TSHZ2: variants seen among roughly 807,000 people sequenced by gnomAD.
TSHZ2 encodes teashirt zinc finger homeobox 2.
TSHZ2 carries 21 observed loss-of-function variants against 74.4 expected under a neutral mutation model. That is an observed-to-expected ratio of 0.28 (90% CI 0.20 to 0.41). The LOEUF (loss-of-function observed/expected upper bound fraction) is 0.41, where lower values mean the gene tolerates loss of function less well. Among genes scored for constraint, TSHZ2 ranks in the 10% least tolerant of loss-of-function variants. TSHZ2 has a pLI of 1.00. For missense variants in TSHZ2, 1,244 were observed against 1,293.5 expected, an observed-to-expected ratio of 0.96 and a Z score of 0.59; for synonymous variants, 540 against 515.3, an observed-to-expected ratio of 1.05 and a Z score of -0.65.
chr20:53,102,605 T>A (rs1287315426), intron 1 of TSHZ2, among the ~76,000 whole-genome samples: 2 of 152,118 alleles, frequency 1.3e-5, no homozygotes, highest in East Asian at 3.9e-4. Context: ...ACTCAAACGG[T>A]GTCCATAACA....
At chr20:53,105,605 TTC>T (rs372302965) in intron 1 of TSHZ2, among the ~76,000 whole-genome samples, 70 of 151,994 alleles carry the variant, frequency 4.6e-4, no homozygotes, top group African/African-American at 1.6e-3. Flanking sequence ...TCCCATAGAG[TTC>T]TCTCTCTTTT....
chr20:53,079,161 A>G (rs536735626), intron 1 of TSHZ2, among the ~76,000 whole-genome samples: 42 of 152,314 alleles, frequency 2.8e-4, no homozygotes, highest in Non-Finnish European at 5.1e-4. Context: ...GAGTGTCTCA[A>G]GAGGGAAAAA....
At chr20:53,291,686 A>G (rs941250800) in intron 2 of TSHZ2, among the ~76,000 whole-genome samples, 2 of 151,924 alleles carry the variant, frequency 1.3e-5, no homozygotes, top group African/African-American at 2.4e-5. Flanking sequence ...CCACTCTTGC[A>G]CTGGCTGTGC....
intron 2 of TSHZ2, among the ~76,000 whole-genome samples, chr20:53,268,261 C>A (rs1039913849): frequency 2.6e-5 from 4 of 152,078 alleles, no homozygotes; most frequent in African/African-American, 9.7e-5. Context: ...AAGATACAGA[C>A]CCAGATTGAA....
At chr20:53,102,864 ATCTT>A (rs1418048304) in intron 1 of TSHZ2, among the ~76,000 whole-genome samples, 4 of 148,482 alleles carry the variant, frequency 2.7e-5, no homozygotes, top group African/African-American at 5.0e-5. Context: ...TATGACCAGC[ATCTT>A]TCTTTTTTTT....
At chr20:53,045,748 T>C (rs929645467) in intron 1 of TSHZ2, among the ~76,000 whole-genome samples, 1 of 152,134 alleles carries the variant, frequency 6.6e-6, no homozygotes, top group African/African-American at 2.4e-5. Context: ...TACCTATGGG[T>C]AGTAATCCCG....
At chr20:53,398,762 C>T (rs373257153) in intron 2 of TSHZ2, 1 of 152,148 alleles carries the variant, frequency 6.6e-6, no homozygotes, top group Non-Finnish European at 1.5e-5. Context: ...CAAAAACACA[C>T]AAAAAAGTTT....
intron 1 of TSHZ2, among the ~76,000 whole-genome samples, chr20:53,201,042 T>C (rs555384500): frequency 6.6e-6 from 1 of 152,080 alleles, no homozygotes; most frequent in South Asian, 2.1e-4. Context: ...AAAAAAGAAA[T>C]TGAGTCAAAA....
intron 1 of TSHZ2, among the ~76,000 whole-genome samples, chr20:53,246,483 C>T (rs191522481): frequency 9.2e-5 from 14 of 152,310 alleles, no homozygotes; most frequent in South Asian, 4.1e-4. Flanking sequence ...TGGCCCGCTT[C>T]GCCCATTTTC....
At chr20:53,338,811 G>C (rs1980061981) in intron 2 of TSHZ2, among the ~76,000 whole-genome samples, 1 of 152,150 alleles carries the variant, frequency 6.6e-6, no homozygotes, top group Non-Finnish European at 1.5e-5. Flanking sequence ...CTGAGGGCGA[G>C]AAGTCCTGCT....
In TSHZ2 at chr20:53,354,264, C is replaced by T. The variant is rs535001393; in HGVS notation, c.*8+97693C>T. ...GACAATTTCGGGAAACATGAGGAGA[C>T]ATGGTGCTCTTGTGGTGGCCTGTAT... On this transcript the variant is annotated intron_variant, in intron 2 of 2. Coordinates refer to ENST00000371497, the MANE Select transcript of TSHZ2 (RefSeq NM_173485.6). Among the ~76,000 whole-genome samples, 24 of 152,286 alleles carry T rather than the reference C, an allele frequency of 1.6e-4. No individual in the cohort carries two copies. The South Asian group carries it at 3.1e-3, about 20-fold the overall frequency.
intron 1 of TSHZ2, among the ~76,000 whole-genome samples, chr20:53,100,065 G>C (rs1986173223): frequency 6.6e-6 from 1 of 152,164 alleles, no homozygotes; most frequent in Admixed American, 6.5e-5. Flanking sequence ...CTGGCTGTTG[G>C]TGGTGATTCA....
chr20:53,040,472 G>A (rs1983998006), intron 1 of TSHZ2, among the ~76,000 whole-genome samples: 1 of 152,094 alleles, frequency 6.6e-6, no homozygotes, highest in Admixed American at 6.5e-5. Context: ...CCAAGGGGTG[G>A]CATGGATAAA....
chr20:53,358,059 C>T (rs947915579), intron 2 of TSHZ2, among the ~76,000 whole-genome samples: 1 of 152,194 alleles, frequency 6.6e-6, no homozygotes, highest in African/African-American at 2.4e-5. Context: ...TTCATTTTCA[C>T]ATGGACGACC....
intron 2 of TSHZ2, among the ~76,000 whole-genome samples, chr20:53,333,752 G>A (rs13433298): frequency 0.027 from 4,059 of 152,234 alleles, 174 homozygotes; most frequent in African/African-American, 0.092. Context: ...CACTGCGCCC[G>A]GCCTGCCAAG....
intron 1 of TSHZ2, among the ~76,000 whole-genome samples, chr20:53,170,766 G>A (rs531846645): frequency 4.6e-5 from 7 of 152,202 alleles, no homozygotes; most frequent in Non-Finnish European, 5.9e-5. Context: ...AAGGGCATTG[G>A]TTTGTCTTCC....
chr20:53,443,367 C>G (rs1290181440), intron 2 of TSHZ2, among the ~76,000 whole-genome samples: 1 of 152,182 alleles, frequency 6.6e-6, no homozygotes, highest in Non-Finnish European at 1.5e-5. Context: ...AATCAACACA[C>G]TTTAAAATAT....
intron 1 of TSHZ2, among the ~76,000 whole-genome samples, chr20:53,109,873 C>G (rs1986481981): frequency 6.6e-6 from 1 of 152,188 alleles, no homozygotes; most frequent in South Asian, 2.1e-4. Context: ...CTCCCTAGGA[C>G]TCTGTCCTGG....
At chr20:53,132,350 C>T (rs1433678285) in intron 1 of TSHZ2, among the ~76,000 whole-genome samples, 1 of 148,396 alleles carries the variant, frequency 6.7e-6, no homozygotes, top group East Asian at 2.0e-4. Flanking sequence ...CTCACTCTGT[C>T]GCCCAGGCTG....
Sources: gnomAD v4.1 joint callset for allele counts (sites outside exome capture counted in the v4.1 genomes callset) on GRCh38, gnomAD v4.1.1 for gene constraint, MANE v1.5 for transcripts, NCBI Gene and HGNC (gene_info 2026-07-23, HGNC 2026-07-21) for gene names.